The following PCDHA13 variants were observed in gnomAD, a reference collection of about 807,000 sequenced individuals.
PCDHA13 encodes protocadherin alpha 13.
A neutral mutation model predicts 64.8 loss-of-function variants in PCDHA13; 54 were observed. The observed-to-expected ratio is 0.83, with a 90% CI of 0.67 to 1.04. PCDHA13 has a LOEUF of 1.04. Among genes scored for constraint, PCDHA13 ranks in the 50% least tolerant of loss-of-function variants. PCDHA13 has a pLI of 0.00. For missense variants in PCDHA13, 1,248 were observed against 1,254.3 expected, an observed-to-expected ratio of 0.99 and a Z score of 0.08; for synonymous variants, 587 against 564.4, an observed-to-expected ratio of 1.04 and a Z score of -0.57.
chr5:140,914,145 G>A lies in PCDHA13; in HGVS notation c.2394+29483G>A, dbSNP rs2076623510. Among the ~76,000 whole-genome samples the A allele has an allele frequency of 3.3e-5, 5 of 152,138 alleles. 1 individual carries two copies. The South Asian group carries it at 1.0e-3, about 32-fold the overall frequency. On this transcript the variant is annotated intron_variant, in intron 1 of 3. Transcript: ENST00000289272. ...TTCTTTGTTGAGTTTTTGTCTGTCAGTTCTGTCCAATACGGAAAGTGGGGT... is the reference window on the plus strand; with the variant it reads ...TTCTTTGTTGAGTTTTTGTCTGTCAATTCTGTCCAATACGGAAAGTGGGGT...
intron 1 of PCDHA13, among the ~76,000 whole-genome samples, chr5:140,933,619 T>C (rs2089273151): frequency 2.6e-5 from 4 of 152,058 alleles, no homozygotes; most frequent in Non-Finnish European, 2.9e-5. Flanking sequence ...TCTTATTAGG[T>C]TAGGCTGGCC....
At chr5:141,001,220 G>T (rs1554258038) in intron 3 of PCDHA13, among the ~76,000 whole-genome samples, 1 of 152,116 alleles carries the variant, frequency 6.6e-6, no homozygotes, top group African/African-American at 2.4e-5. Flanking sequence ...TATAAGGATA[G>T]TTACATTTAA....
At chr5:141,003,404 C>T (rs1220823523) in intron 3 of PCDHA13, among the ~76,000 whole-genome samples, 4 of 152,138 alleles carry the variant, frequency 2.6e-5, no homozygotes, top group African/African-American at 4.8e-5. Context: ...CTCCGCCTCC[C>T]GGGTTCGAGT....
rs1255289031 is a variant in PCDHA13 at position 141,010,188 on chromosome 5, T to C, written c.*251T>C. On this transcript the variant is annotated 3_prime_UTR_variant, in exon 4 of 4. Transcript: ENST00000289272. Reference sequence around the variant, plus strand: ...CAGAACCTAAAAAGCAGACCCAAGTTTCCTTTCTCCTCCGCCGCAAAGGAG... The same window carrying C: ...CAGAACCTAAAAAGCAGACCCAAGTCTCCTTTCTCCTCCGCCGCAAAGGAG... 1.3e-6 allele frequency: 2 copies of C among 1,552,952 alleles called. No individual in the cohort carries two copies. Among genetic ancestry groups the C allele is most frequent in the Non-Finnish European group, 8.7e-7 (1 of 1,147,482 alleles).
At chr5:140,984,371 C>T (rs2097099528) in intron 3 of PCDHA13, among the ~76,000 whole-genome samples, 1 of 152,150 alleles carries the variant, frequency 6.6e-6, no homozygotes, top group African/African-American at 2.4e-5. Flanking sequence ...TGGCCAAGTC[C>T]CTCTTTCAGA....
chr5:140,926,915 T>A, intron 1 of PCDHA13: 1 of 1,563,726 alleles, frequency 6.4e-7, no homozygotes, highest in Non-Finnish European at 8.7e-7. Flanking sequence ...GGGGTGGCAG[T>A]TTTATGTTTG....
intron 1 of PCDHA13, among the ~76,000 whole-genome samples, chr5:140,939,903 C>T (rs782506444): frequency 6.6e-6 from 1 of 152,046 alleles, no homozygotes; most frequent in African/African-American, 2.4e-5. Flanking sequence ...ATTCTGCATT[C>T]TTTTTTATTC....
Position 140,883,057 on chromosome 5 carries a change from G to A in PCDHA13, c.789G>A (p.Lys263=), listed in dbSNP as rs781846985. The part of the protein sequence containing the change: ...ENAFNGTLVI[K]LNATDPDDGT... ...CCTTCAATGGAACATTAGTGATCAA[G>A]CTAAATGCCACAGATCCTGATGATG... Residue 263 remains lysine, a synonymous_variant, in exon 1 of 4, where the codon AAG becomes AAA. Coordinates refer to ENST00000289272, the MANE Select transcript of PCDHA13 (RefSeq NM_018904.3). 1.2e-6 allele frequency: 2 copies of A among 1,614,006 alleles called. No individual in the cohort carries two copies. Among genetic ancestry groups the A allele is most frequent in the South Asian group, 1.1e-5 (1 of 91,082 alleles).
At chr5:140,908,342 A>G (rs542660039) in intron 1 of PCDHA13, among the ~76,000 whole-genome samples, 48 of 152,196 alleles carry the variant, frequency 3.2e-4, no homozygotes, top group Non-Finnish European at 5.3e-4. Flanking sequence ...TTGAGCCACT[A>G]CCTCATGTAA....
intron 1 of PCDHA13, among the ~76,000 whole-genome samples, chr5:140,924,871 G>C: frequency 6.7e-6 from 1 of 149,164 alleles, no homozygotes; most frequent in Non-Finnish European, 1.5e-5. Flanking sequence ...CTCCAGCCTG[G>C]GTGACAGAGC....
At chr5:140,942,541 G>T (rs1241528363) in intron 1 of PCDHA13, among the ~76,000 whole-genome samples, 1 of 152,056 alleles carries the variant, frequency 6.6e-6, no homozygotes, top group Non-Finnish European at 1.5e-5. Context: ...CAGTATGGTG[G>T]GGGGTAGGGG....
chr5:140,942,532 A>G (rs1474733493), intron 1 of PCDHA13, among the ~76,000 whole-genome samples: 2 of 152,142 alleles, frequency 1.3e-5, no homozygotes, highest in Non-Finnish European at 2.9e-5. Context: ...CAACTAACTC[A>G]GTATGGTGGG....
At chr5:140,945,178 C>T (rs2093753648) in intron 1 of PCDHA13, among the ~76,000 whole-genome samples, 2 of 151,902 alleles carry the variant, frequency 1.3e-5, no homozygotes, top group Admixed American at 1.3e-4. Flanking sequence ...AAAAATAAAT[C>T]AAGAAAACCA....
chr5:140,933,739 G>A (rs531821370), intron 1 of PCDHA13, among the ~76,000 whole-genome samples: 18 of 151,856 alleles, frequency 1.2e-4, no homozygotes, highest in Admixed American at 3.9e-4. Flanking sequence ...TTAAATATTT[G>A]GTAGAATTCA....
rs183950754 is a variant in PCDHA13, at chr5:140,960,187, T to G, written c.2395-18762T>G. On this transcript the variant is annotated intron_variant, in intron 1 of 3. Coordinates refer to ENST00000289272, the MANE Select transcript of PCDHA13 (RefSeq NM_018904.3). ...CAATTCTTAAGTTAGGGGTTGCATG[T>G]GTAGTGGTCAGATGTTATTTCAGGA... 3.5e-3 allele frequency among the ~76,000 whole-genome samples: 529 copies of G among 152,196 alleles called. 22 individuals are homozygous for G. Among genetic ancestry groups the G allele is most frequent in the Admixed American group, 0.032 (493 of 15,274 alleles).
chr5:141,002,853 G>C (rs781830862), intron 3 of PCDHA13, among the ~76,000 whole-genome samples: 1 of 152,184 alleles, frequency 6.6e-6, no homozygotes, highest in Non-Finnish European at 1.5e-5. Context: ...ACTAGTGAGA[G>C]AACCAGGGCA....
intron 1 of PCDHA13, chr5:140,927,776 T>C (rs781966197): frequency 7.4e-6 from 12 of 1,614,140 alleles, no homozygotes; most frequent in South Asian, 1.1e-5. Flanking sequence ...GAGGTGCAAG[T>C]AGCTGCTTCA....
At chr5:140,898,471 C>G (rs1421437999) in intron 1 of PCDHA13, among the ~76,000 whole-genome samples, 1 of 152,108 alleles carries the variant, frequency 6.6e-6, no homozygotes, top group African/African-American at 2.4e-5. Flanking sequence ...GCTTGTTTTT[C>G]TCAGGTTTGT....
chr5:140,894,446 T>A (rs981858089), intron 1 of PCDHA13, among the ~76,000 whole-genome samples: 18 of 152,000 alleles, frequency 1.2e-4, no homozygotes, highest in African/African-American at 3.4e-4. Context: ...AGCTCTTTTT[T>A]AAAAAATATT....
Sources: gnomAD v4.1 joint callset for allele counts (sites outside exome capture counted in the v4.1 genomes callset) on GRCh38, gnomAD v4.1.1 for gene constraint, MANE v1.5 for transcripts, NCBI Gene and HGNC (gene_info 2026-07-23, HGNC 2026-07-21) for gene names.